The following ARHGAP8 variants were observed in gnomAD, a reference collection of about 807,000 sequenced individuals.
ARHGAP8 encodes the protein Rho GTPase activating protein 8, also known as rho GTPase-activating protein 8.
Under a neutral mutation model 46.1 loss-of-function variants are expected in ARHGAP8, and 62 were observed. That is an observed-to-expected ratio of 1.34 (90% confidence interval 1.10 to 1.66). The LOEUF (loss-of-function observed/expected upper bound fraction) is 1.66. Among genes scored for constraint, ARHGAP8 ranks in the 40% most tolerant of loss-of-function variants. The pLI is 0.00. For missense variants in ARHGAP8, 923 were observed against 568.4 expected (o/e 1.62, Z -6.34); for synonymous variants, 375 against 243.1 (o/e 1.54, Z -5.05).
In ARHGAP8 at chr22:44,788,331, C is replaced by G. The variant is rs541493109; in HGVS notation, c.79+1725C>G. The stretch of plus-strand genomic sequence containing the variant: ...ACAGGGTTTTGCCATGTTGGTCAGG[C>G]TGGTCTCGAACTCCTGACCTCAGGT... On this transcript the variant is annotated intron_variant, in intron 2 of 11. Coordinates refer to ENST00000356099, the MANE Select transcript of ARHGAP8 (RefSeq NM_181335.3). Among the ~76,000 whole-genome samples the G allele has an allele frequency of 1.3e-4, 20 of 152,232 alleles. No individual in the cohort carries two copies. The South Asian group carries it at 3.7e-3, about 28-fold the overall frequency.
At chr22:44,801,144 G>GGGC (rs1928495121) in intron 2 of ARHGAP8, among the ~76,000 whole-genome samples, 1 of 61,088 alleles carries the variant, frequency 1.6e-5, no homozygotes, top group Non-Finnish European at 3.0e-5. Flanking sequence ...CATGTGTGGG[G>GGGC]GCACCTCTCC....
intron 1 of ARHGAP8, among the ~76,000 whole-genome samples, chr22:44,775,219 G>A (rs963586159): frequency 1.3e-5 from 2 of 152,208 alleles, no homozygotes; most frequent in African/African-American, 4.8e-5. Flanking sequence ...TGAGCACTCT[G>A]AATTTTTCAT....
chr22:44,849,373 A>AG, intron 10 of ARHGAP8: 1 of 378,366 alleles, frequency 2.6e-6, no homozygotes. Context: ...TCCTGGTCAA[A>AG]GTCCTGCCTG....
Position 44,851,331 on chromosome 22 carries a change from C to T in ARHGAP8, c.877+2271C>T, listed in dbSNP as rs188754121. 3.6e-3 allele frequency among the ~76,000 whole-genome samples: 555 copies of T among 152,324 alleles called. 8 individuals carry two copies. Among genetic ancestry groups the T allele is most frequent in the African/African-American group, 0.012 (509 of 41,566 alleles). On this transcript the variant is annotated intron_variant, in intron 10 of 11. Coordinates refer to ENST00000356099, the MANE Select transcript of ARHGAP8 (RefSeq NM_181335.3). Reference sequence around the variant, plus strand: ...TTGTTATTCTGACAAAAGACAGATTCACACGAGAAAAGCATGCCAGTTTAT... The same window carrying T: ...TTGTTATTCTGACAAAAGACAGATTTACACGAGAAAAGCATGCCAGTTTAT...
At chr22:44,785,119 C>T (rs967420594) in intron 1 of ARHGAP8, among the ~76,000 whole-genome samples, 1 of 152,190 alleles carries the variant, frequency 6.6e-6, no homozygotes, top group African/African-American at 2.4e-5. Context: ...GCTCCCTCCT[C>T]GATGGGGTGT....
At chr22:44,793,400 C>A (rs542149957) in intron 2 of ARHGAP8, among the ~76,000 whole-genome samples, 6 of 152,226 alleles carry the variant, frequency 3.9e-5, no homozygotes, top group Non-Finnish European at 8.8e-5. Flanking sequence ...GGACAACACA[C>A]ATCCACCGCC....
At chr22:44,856,304 C>T (rs2070223289) in intron 10 of ARHGAP8, among the ~76,000 whole-genome samples, 1 of 117,880 alleles carries the variant, frequency 8.5e-6, no homozygotes, top group Non-Finnish European at 1.6e-5. Flanking sequence ...CAAAGTCTCA[C>T]TCTGTTGCCC....
At chr22:44,837,634 T>C (rs534031404) in intron 7 of ARHGAP8, among the ~76,000 whole-genome samples, 3 of 152,294 alleles carry the variant, frequency 2.0e-5, no homozygotes, top group South Asian at 2.1e-4. Flanking sequence ...CCTGGGGTCA[T>C]TGCTATGCAC....
At chr22:44,859,937 G>C in intron 11 of ARHGAP8, 103 bp downstream of exon 11, 1 of 1,364,592 alleles carries the variant, frequency 7.3e-7, no homozygotes, top group East Asian at 2.4e-5. Flanking sequence ...CTGGGGTCAT[G>C]CCCTGCTTGG....
At position 44,770,648 on chromosome 22, in the gene ARHGAP8, G is replaced by C. The variant is rs138783545; in HGVS notation, c.-71-15809G>C. On this transcript the variant is annotated intron_variant, in intron 1 of 11. Coordinates refer to ENST00000356099, the MANE Select transcript of ARHGAP8 (RefSeq NM_181335.3). ...CTCACACTTCTGACCTCAGGTGATC[G>C]ACCCACTTTGGCCTCCCAAAGTGCT... Among the ~76,000 whole-genome samples the C allele has an allele frequency of 6.3e-3, 964 of 152,074 alleles. 9 individuals carry two copies. Among genetic ancestry groups the C allele is most frequent in the African/African-American group, 0.022 (931 of 41,484 alleles).
chr22:44,811,666 G>T (rs1929343541), intron 4 of ARHGAP8, among the ~76,000 whole-genome samples: 2 of 152,170 alleles, frequency 1.3e-5, no homozygotes, highest in Admixed American at 6.5e-5. Flanking sequence ...TGTAATGTCT[G>T]CAGGGGTGCT....
intron 2 of ARHGAP8, among the ~76,000 whole-genome samples, chr22:44,787,047 A>AAAAATAC (rs796358176): frequency 6.9e-6 from 1 of 145,484 alleles, no homozygotes; most frequent in Non-Finnish European, 1.5e-5. Context: ...CAAAAAAAAA[A>AAAAATAC]AAAAGAAAGA....
intron 7 of ARHGAP8, among the ~76,000 whole-genome samples, chr22:44,839,384 ATGCAGAAGCCTTATGGCTG>A (rs144633449): frequency 0.04 from 6,162 of 152,312 alleles, 370 homozygotes; most frequent in African/African-American, 0.13. Context: ...GAGATTGGAT[ATGCAGAAGCCTTATGGCTG>A]TGGACAGAGT....
In ARHGAP8 at chr22:44,779,097, CTTTTT is replaced by C. The variant is rs532665716; in HGVS notation, c.-71-7344_-71-7340del. ...CAGTGACTGACTTTTTGGTCTCTGA[CTTTTT>C]TTTTTTTTTTTTTTTGAGACAGAGT... is the stretch of plus-strand genomic sequence containing the variant. On this transcript the variant is annotated intron_variant, in intron 1 of 11. Coordinates refer to ENST00000356099, the MANE Select transcript of ARHGAP8 (RefSeq NM_181335.3). Among the ~76,000 whole-genome samples, 11 of 26,124 alleles carry C rather than the reference CTTTTT, an allele frequency of 4.2e-4. No individual in the cohort carries two copies. The East Asian group carries it at 5.7e-3, about 14-fold the overall frequency. The allele number at this position is 26,124 out of a possible 152,430, so 17.1% of individuals were successfully genotyped here. A position where few individuals can be genotyped will look rare whatever the true frequency, so the allele number is the denominator to read the frequency against.
chr22:44,771,281 C>T (rs1326634858), intron 1 of ARHGAP8, among the ~76,000 whole-genome samples: 1 of 118,238 alleles, frequency 8.5e-6, no homozygotes, highest in Non-Finnish European at 1.6e-5. Context: ...GATTCTTGCT[C>T]TGTCGCCCAG....
intron 10 of ARHGAP8, 87 bp downstream of exon 10, chr22:44,849,147 G>A: frequency 6.3e-7 from 1 of 1,586,420 alleles, no homozygotes; most frequent in Non-Finnish European, 8.5e-7. Context: ...GCTCTGGGGT[G>A]GCCGAGGTGA....
chr22:44,815,616 A>C (rs1929682168), intron 5 of ARHGAP8, among the ~76,000 whole-genome samples: 1 of 150,846 alleles, frequency 6.6e-6, no homozygotes, highest in Admixed American at 6.6e-5. Context: ...TAGCAACCCA[A>C]ATAAGCGGCC....
intron 5 of ARHGAP8, among the ~76,000 whole-genome samples, chr22:44,818,264 C>T (rs916633125): frequency 6.6e-6 from 1 of 152,048 alleles, no homozygotes; most frequent in African/African-American, 2.4e-5. Flanking sequence ...GCCTGACCAA[C>T]ATGGTGAAAC....
intron 7 of ARHGAP8, among the ~76,000 whole-genome samples, chr22:44,837,424 C>T (rs1307700964): frequency 6.6e-6 from 1 of 152,166 alleles, no homozygotes; most frequent in African/African-American, 2.4e-5. Context: ...CTCTGTGCTC[C>T]AGAGTCCTCC....
Sources: gnomAD v4.1 joint callset for allele counts (sites outside exome capture counted in the v4.1 genomes callset) on GRCh38, gnomAD v4.1.1 for gene constraint, MANE v1.5 for transcripts, NCBI Gene and HGNC (gene_info 2026-07-23, HGNC 2026-07-21) for gene names.